ERI3: variants seen among roughly 807,000 people sequenced by gnomAD.
ERI3 encodes ERI1 exoribonuclease 3.
A neutral mutation model predicts 44.4 loss-of-function variants in ERI3; 18 were observed. That is an observed-to-expected ratio of 0.41 (90% confidence interval 0.28 to 0.60). The LOEUF (loss-of-function observed/expected upper bound fraction) is 0.60. ERI3 is among the 20% of genes least tolerant of loss of function. The pLI, the probability that ERI3 is intolerant of heterozygous loss-of-function variation, is 0.36. For missense variants in ERI3, 294 were observed against 435.5 expected (o/e 0.68, Z 2.89); for synonymous variants, 183 against 164.8 (o/e 1.11, Z -0.84).
At chr1:44,257,678 T>C (rs1206451426) in intron 7 of ERI3, among the ~76,000 whole-genome samples, 3 of 152,190 alleles carry the variant, frequency 2.0e-5, no homozygotes, top group African/African-American at 7.2e-5. Context: ...CATGGCCTCC[T>C]GCGCCAGAAT....
At chr1:44,264,545 G>A (rs1644953266) in intron 7 of ERI3, among the ~76,000 whole-genome samples, 1 of 152,234 alleles carries the variant, frequency 6.6e-6, no homozygotes, top group Non-Finnish European at 1.5e-5. Context: ...CCGCCAGGCT[G>A]GACGGCGCGT....
intron 2 of ERI3, among the ~76,000 whole-genome samples, chr1:44,340,848 G>C (rs962396396): frequency 6.6e-6 from 1 of 152,190 alleles, no homozygotes; most frequent in African/African-American, 2.4e-5. Flanking sequence ...ACGCTGGCTT[G>C]AGTTTCAATA....
intron 2 of ERI3, among the ~76,000 whole-genome samples, chr1:44,346,853 A>C (rs528242043): frequency 5.3e-5 from 8 of 152,366 alleles, no homozygotes; most frequent in African/African-American, 1.9e-4. Context: ...CAACCGTGCG[A>C]TGTACAAAAA....
intron 8 of ERI3, among the ~76,000 whole-genome samples, chr1:44,232,611 G>A (rs1644211828): frequency 6.6e-6 from 1 of 152,110 alleles, no homozygotes; most frequent in African/African-American, 2.4e-5. Flanking sequence ...GTCCAAAATA[G>A]CTGCTGGAGC....
rs924172861 is a variant in ERI3 at position 44,241,589 on chromosome 1, G to A, written c.931+6350C>T. Among the ~76,000 whole-genome samples the A allele has an allele frequency of 6.6e-6, 1 of 152,108 alleles. No individual in the cohort carries two copies. Among genetic ancestry groups the A allele is most frequent in the African/African-American group, 2.4e-5 (1 of 41,414 alleles). On this transcript the variant is annotated intron_variant, in intron 8 of 8. Coordinates refer to ENST00000372257, the MANE Select transcript of ERI3 (RefSeq NM_024066.3). The surrounding 1 kb of genome is among the most constrained non-coding windows in gnomAD (Gnocchi z 5.6). ...ATAATATCAGCAGTGGAGGCTGCAA[G>A]ATCACCAGGGGTCAGGGCGCTGACA...
chr1:44,260,244 C>G (rs2746085), intron 7 of ERI3, among the ~76,000 whole-genome samples: 65,282 of 152,120 alleles, frequency 0.43, 15,868 homozygotes, highest in African/African-American at 0.67. Context: ...AGTGGAGAGA[C>G]CCACAGTAGG....
chr1:44,325,411 A>T (rs1425873106), intron 3 of ERI3, among the ~76,000 whole-genome samples: 1 of 152,052 alleles, frequency 6.6e-6, no homozygotes, highest in African/African-American at 2.4e-5. Flanking sequence ...AGGAACCCCC[A>T]ATGATTTCCT....
chr1:44,320,792 T>A (rs2154329211), intron 3 of ERI3, among the ~76,000 whole-genome samples: 1 of 151,960 alleles, frequency 6.6e-6, no homozygotes, highest in East Asian at 1.9e-4. Flanking sequence ...CCTGAAAACA[T>A]CTGGAAGAGA....
chr1:44,235,866 A>T lies in ERI3; in HGVS notation c.931+12073T>A, dbSNP rs1298184298. ...TGGGGCGCCCCAGTCCTAGCCAGTG[A>T]TGCCCTGGAGAAAGGCCTAGCTATG... On this transcript the variant is annotated intron_variant, in intron 8 of 8. Coordinates refer to ENST00000372257, the MANE Select transcript of ERI3 (RefSeq NM_024066.3). The surrounding 1 kb of genome is among the most constrained non-coding windows in gnomAD (Gnocchi z 4.6). 1.3e-5 allele frequency among the ~76,000 whole-genome samples: 2 copies of T among 152,172 alleles called. No individual in the cohort carries two copies. The highest frequency in any genetic ancestry group is 2.9e-5 in the Non-Finnish European group (2 of 68,014).
At chr1:44,294,359 T>C (rs1645568178) in intron 6 of ERI3, among the ~76,000 whole-genome samples, 1 of 152,178 alleles carries the variant, frequency 6.6e-6, no homozygotes, top group Non-Finnish European at 1.5e-5. Flanking sequence ...CCATGGCTCT[T>C]TATCCTATCT....
At chr1:44,231,831 G>A (rs767242665) in intron 8 of ERI3, among the ~76,000 whole-genome samples, 1 of 152,218 alleles carries the variant, frequency 6.6e-6, no homozygotes, top group Non-Finnish European at 1.5e-5. Context: ...ATGAGGGTAA[G>A]TTTGCTGAAA....
chr1:44,310,808 C>T (rs763510590), intron 5 of ERI3, among the ~76,000 whole-genome samples: 4 of 151,744 alleles, frequency 2.6e-5, no homozygotes, highest in Non-Finnish European at 5.9e-5. Flanking sequence ...CTATGCAGAC[C>T]ATGTGGTCTC....
chr1:44,282,815 A>G (rs1645316420), intron 7 of ERI3, among the ~76,000 whole-genome samples: 1 of 152,214 alleles, frequency 6.6e-6, no homozygotes, highest in Non-Finnish European at 1.5e-5. Flanking sequence ...CAGAGTCCTC[A>G]GTTTCGCCTT....
intron 7 of ERI3, among the ~76,000 whole-genome samples, chr1:44,263,041 G>A (rs560309461): frequency 2.7e-4 from 41 of 152,296 alleles, no homozygotes; most frequent in South Asian, 1.0e-3. Context: ...ACAGGGCCAA[G>A]TAAAAGAGCA....
intron 7 of ERI3, among the ~76,000 whole-genome samples, chr1:44,270,294 T>C (rs1322195707): frequency 1.3e-5 from 2 of 152,178 alleles, no homozygotes; most frequent in African/African-American, 2.4e-5. Context: ...TTCTACAGTA[T>C]TTATGCCTCT....
chr1:44,265,922 G>A (rs1459466316), intron 7 of ERI3, among the ~76,000 whole-genome samples: 1 of 152,138 alleles, frequency 6.6e-6, no homozygotes, highest in Non-Finnish European at 1.5e-5. Flanking sequence ...TTTTAGTGGG[G>A]ACAAAAATCT....
intron 3 of ERI3, among the ~76,000 whole-genome samples, chr1:44,334,577 A>G (rs1646496314): frequency 6.6e-6 from 1 of 152,226 alleles, no homozygotes; most frequent in Non-Finnish European, 1.5e-5. Context: ...TTAAGTGAAA[A>G]AAGTGTTTTC....
chr1:44,353,762 G>A (rs1646942377), intron 1 of ERI3: 2 of 985,444 alleles, frequency 2.0e-6, no homozygotes, highest in African/African-American at 3.5e-5. Flanking sequence ...CTTTGGGCAG[G>A]AATTGTTAAT....
intron 5 of ERI3, among the ~76,000 whole-genome samples, chr1:44,310,615 T>C (rs893168219): frequency 3.3e-5 from 5 of 152,194 alleles, no homozygotes; most frequent in Admixed American, 2.6e-4. Context: ...CCCATGGATA[T>C]CTTTAAGTAT....
Sources: gnomAD v4.1 joint callset for allele counts (sites outside exome capture counted in the v4.1 genomes callset) on GRCh38, gnomAD v4.1.1 for gene constraint, Gnocchi (gnomAD v3.1) non-coding constraint, MANE v1.5 for transcripts, NCBI Gene and HGNC (gene_info 2026-07-23, HGNC 2026-07-21) for gene names.